KCTD1: variants seen among roughly 807,000 people sequenced by gnomAD.
KCTD1 encodes potassium channel tetramerization domain containing 1, also known as BTB/POZ domain-containing protein KCTD1.
A neutral mutation model predicts 66.0 loss-of-function variants in KCTD1; 24 were observed. The observed-to-expected ratio is 0.36, with a 90% confidence interval of 0.26 to 0.51. The LOEUF (loss-of-function observed/expected upper bound fraction) is 0.51, where lower values mean the gene tolerates loss of function less well. Ranked by LOEUF, KCTD1 falls within the 20% of genes least tolerant of loss-of-function variation. The pLI, the probability that KCTD1 is intolerant of heterozygous loss-of-function variation, is 0.95. For missense variants in KCTD1, 943 were observed against 1,205.2 expected (o/e 0.78, Z 3.22); for synonymous variants, 511 against 517.2 (o/e 0.99, Z 0.16).
At chr18:26,546,326 T>TAG (rs954362555) in intron 1 of KCTD1, among the ~76,000 whole-genome samples, 3 of 152,150 alleles carry the variant, frequency 2.0e-5, no homozygotes, top group Non-Finnish European at 4.4e-5. Flanking sequence ...GAATACGTAA[T>TAG]AGAGTCTTTT....
At chr18:26,595,274 C>T (rs940179977) in intron 1 of KCTD1, among the ~76,000 whole-genome samples, 3 of 152,288 alleles carry the variant, frequency 2.0e-5, no homozygotes, top group East Asian at 3.9e-4. Flanking sequence ...TTCACCTCAG[C>T]CCTCAGTTTC....
chr18:26,543,803 C>A (rs1985085752), intron 1 of KCTD1: 1 of 152,224 alleles, frequency 6.6e-6, no homozygotes, highest in Admixed American at 6.5e-5. Flanking sequence ...CTTGCAAATG[C>A]TTCACACTTT....
chr18:26,648,833 G>C (rs748352134), intron 1 of KCTD1, among the ~76,000 whole-genome samples: 1 of 152,134 alleles, frequency 6.6e-6, no homozygotes, highest in African/African-American at 2.4e-5. Context: ...TTATCTCTCC[G>C]CACTTCCATC....
At chr18:26,557,119 C>T (rs1416547591) in intron 1 of KCTD1, among the ~76,000 whole-genome samples, 1 of 152,078 alleles carries the variant, frequency 6.6e-6, no homozygotes, top group African/African-American at 2.4e-5. Context: ...AATAGCATTC[C>T]TCCTGTCTTT....
chr18:26,623,954 C>T (rs1008097500), intron 1 of KCTD1, among the ~76,000 whole-genome samples: 27 of 152,282 alleles, frequency 1.8e-4, no homozygotes, highest in African/African-American at 6.3e-4. Flanking sequence ...GTGACATGGA[C>T]GATGAAGTCC....
chr18:26,572,639 G>A (rs1396776134), intron 1 of KCTD1, among the ~76,000 whole-genome samples: 1 of 152,182 alleles, frequency 6.6e-6, no homozygotes, highest in Admixed American at 6.5e-5. Context: ...TTTTGATGCA[G>A]GGACTGCAAA....
At chr18:26,625,667 A>G (rs544339036) in intron 1 of KCTD1, among the ~76,000 whole-genome samples, 44 of 152,350 alleles carry the variant, frequency 2.9e-4, no homozygotes, top group African/African-American at 1.1e-3. Context: ...TGACTAATAC[A>G]TTGGGTATTC....
At chr18:26,623,446 C>A (rs116416162) in intron 1 of KCTD1, among the ~76,000 whole-genome samples, 2,637 of 152,204 alleles carry the variant, frequency 0.017, 70 homozygotes, top group African/African-American at 0.059. Context: ...GGGGCAGTTA[C>A]CCCCATGCTG....
At chr18:26,549,240 C>T (rs1362967177), upstream of KCTD1, 1 of 986,490 alleles carries the variant, frequency 1.0e-6, no homozygotes, top group African/African-American at 1.7e-5. Context: ...GCTCCCCCAC[C>T]TACTTGCTGG....
At chr18:26,549,766 C>T, upstream of KCTD1, 1 of 985,476 alleles carries the variant, frequency 1.0e-6, no homozygotes, top group Non-Finnish European at 1.2e-6. Flanking sequence ...GCCCTCCGGG[C>T]TGCGCTGCCT....
rs1985257227 is a variant in KCTD1 at position 26,546,945 on chromosome 18, G to T, written c.1592C>A (p.Ala531Glu). Residue 531 changes from alanine to glutamate, a missense_variant, in exon 1 of 5, where the codon GCG becomes GAG. Physicochemically the swap from Ala to Glu is moderately radical, Grantham distance 107. Coordinates refer to ENST00000580059, the MANE Select transcript of KCTD1 (RefSeq NM_001142730.3). ...QVGPDVKSEA[A>E]PKRALYESVF... ...AGACTCGTACAGGGCGCGCTTGGGC[G>T]CAGCCTCGGATTTCACGTCGGGCCC... The T allele has an allele frequency of 6.8e-7, 1 of 1,473,876 alleles. No individual in the cohort carries two copies. Among genetic ancestry groups the T allele is most frequent in the Non-Finnish European group, 9.0e-7 (1 of 1,108,854 alleles). 91.3% of individuals were successfully genotyped at this position (1,473,876 alleles called of 1,614,324 possible).
intron 1 of KCTD1, among the ~76,000 whole-genome samples, chr18:26,521,039 A>G (rs561187056): frequency 2.0e-5 from 3 of 152,330 alleles, no homozygotes; most frequent in East Asian, 3.9e-4. Flanking sequence ...GAAAGCTTAC[A>G]TTTTAGCTGC....
chr18:26,460,017 G>A (rs1287610996), intron 3 of KCTD1, 92 bp from the exon 4 acceptor site: 5 of 940,198 alleles, frequency 5.3e-6, no homozygotes, highest in Non-Finnish European at 6.4e-6. Flanking sequence ...TCCACTTCTT[G>A]TTATGTCACT....
chr18:26,513,594 C>T (rs1983469839), intron 1 of KCTD1, among the ~76,000 whole-genome samples: 1 of 152,230 alleles, frequency 6.6e-6, no homozygotes, highest in Non-Finnish European at 1.5e-5. Context: ...TAGCCTAAGC[C>T]ATGTCACCAA....
At chr18:26,484,906 A>G (rs1981837467) in intron 2 of KCTD1, among the ~76,000 whole-genome samples, 1 of 152,200 alleles carries the variant, frequency 6.6e-6, no homozygotes, top group South Asian at 2.1e-4. Flanking sequence ...GGCAGGAAAG[A>G]ACATGATGTT....
At chr18:26,633,931 T>C (rs1453540037), upstream of KCTD1, among the ~76,000 whole-genome samples, 1 of 152,176 alleles carries the variant, frequency 6.6e-6, no homozygotes, top group Non-Finnish European at 1.5e-5. Flanking sequence ...GAAATACACA[T>C]ACTCAGAAGA....
At chr18:26,478,967 A>C (rs191250573) in intron 2 of KCTD1, among the ~76,000 whole-genome samples, 13 of 152,368 alleles carry the variant, frequency 8.5e-5, no homozygotes, top group Non-Finnish European at 1.6e-4. Context: ...AAAAGGAACA[A>C]TCCTGGAGGT....
intron 1 of KCTD1, among the ~76,000 whole-genome samples, chr18:26,558,940 GA>G (rs771697407): frequency 3.4e-5 from 5 of 145,792 alleles, no homozygotes; most frequent in African/African-American, 5.0e-5. Flanking sequence ...AGCAAAAAAA[GA>G]AAAAAAAAAG....
chr18:26,500,130 A>G (rs1982680166), intron 2 of KCTD1, among the ~76,000 whole-genome samples: 2 of 151,816 alleles, frequency 1.3e-5, no homozygotes, highest in Admixed American at 6.6e-5. Flanking sequence ...AAAAATAAAA[A>G]AATTAGCCAG....
Sources: gnomAD v4.1 joint callset for allele counts (sites outside exome capture counted in the v4.1 genomes callset) on GRCh38, gnomAD v4.1.1 for gene constraint, MANE v1.5 for transcripts, NCBI Gene and HGNC (gene_info 2026-07-23, HGNC 2026-07-21) for gene names.